The following CIB1 variants were observed in gnomAD, a reference collection of about 807,000 sequenced individuals.
CIB1 encodes the protein calcium and integrin-binding protein 1.
CIB1 carries 19 observed loss-of-function variants against 25.0 expected under a neutral mutation model. The observed-to-expected ratio is 0.76, with a 90% CI of 0.53 to 1.12. CIB1 has a LOEUF of 1.12. Ranked by LOEUF, CIB1 falls within the 50% of genes most tolerant of loss-of-function variation. The probability of loss-of-function intolerance (pLI) is 0.00; values close to 1 mark genes in which losing one functional copy is unlikely to be tolerated. For synonymous variants in CIB1, 104 were observed against 98.5 expected, an observed-to-expected ratio of 1.06 and a Z score of -0.33; for missense variants, 236 against 242.6, an observed-to-expected ratio of 0.97 and a Z score of 0.18.
chr15:90,230,417 C>A lies in CIB1; in HGVS notation c.*67G>T. 6.5e-7 allele frequency: 1 copy of A among 1,539,716 alleles called. No homozygotes were observed. Among genetic ancestry groups the A allele is most frequent in the Non-Finnish European group, 8.8e-7 (1 of 1,137,254 alleles). ...GCCCGCACTGGCAACACAGGCTTGACCTTGGCCACAGCTCAGCAGTAGAAA... is the reference window on the plus strand; with the variant it reads ...GCCCGCACTGGCAACACAGGCTTGAACTTGGCCACAGCTCAGCAGTAGAAA... On this transcript the variant is annotated 3_prime_UTR_variant, in exon 7 of 7. Transcript: ENST00000328649.
chr15:90,234,085 A>G (rs781282919), upstream of CIB1: 652 of 438,718 alleles, frequency 1.5e-3, 1 homozygote, highest in Admixed American at 2.6e-3. Context: ...AAGCGGTCCT[A>G]GGCGAGCTGG....
chr15:90,263,616 C>T, the CIB1 span: 7 of 589,976 alleles, frequency 1.2e-5, no homozygotes, highest in Admixed American at 8.9e-5. Flanking sequence ...TGTTGAACCC[C>T]AAAGGAGTAT....
rs1962467307 is a variant in CIB1 at position 90,230,988 on chromosome 15, G to T, written c.500C>A (p.Thr167Asn). Residue 167 changes from threonine (T) to asparagine (N), a missense_variant, in exon 6 of 7, where the codon ACC becomes AAC. Physicochemically the swap from Thr to Asn is moderately conservative, Grantham distance 65. Coordinates refer to ENST00000328649, the MANE Select transcript of CIB1 (RefSeq NM_006384.4). ...LEESDIDRDG[T>N]INLSEFQHVI... is the part of the protein sequence containing the mutation. Reference sequence around the variant, plus strand: ...GTGCTGGAACTCAGAGAGGTTGATGGTTCCATCCCTGTCAATGTCAGACTC... The same window carrying T: ...GTGCTGGAACTCAGAGAGGTTGATGTTTCCATCCCTGTCAATGTCAGACTC... 6.2e-7 allele frequency: 1 copy of T among 1,614,186 alleles called. No homozygotes were observed. Among genetic ancestry groups the T allele is most frequent in the African/African-American group, 1.3e-5 (1 of 75,060 alleles).
At chr15:90,241,407 G>C in the CIB1 span, 32 of 1,613,548 alleles carry the variant, frequency 2.0e-5, no homozygotes, top group African/African-American at 4.1e-4. Context: ...GTGGGGCCAC[G>C]TGCTGCTGGT....
At chr15:90,240,476 C>A in the CIB1 span, among the ~76,000 whole-genome samples, 1 of 151,530 alleles carries the variant, frequency 6.6e-6, no homozygotes, top group African/African-American at 2.4e-5. Flanking sequence ...CCACTGCCCT[C>A]TAGCCTGGGC....
upstream of CIB1, chr15:90,234,014 GC>G: frequency 9.2e-7 from 1 of 1,088,826 alleles, no homozygotes; most frequent in Non-Finnish European, 1.2e-6. Flanking sequence ...CCCCGGGCCC[GC>G]CCCCTCCTAA....
the CIB1 span, among the ~76,000 whole-genome samples, chr15:90,252,179 A>G: frequency 2.0e-5 from 3 of 151,996 alleles, no homozygotes; most frequent in Non-Finnish European, 4.4e-5. Context: ...AGCTGGGATT[A>G]CAGGCATGTG....
chr15:90,240,932 C>T, the CIB1 span: 29 of 1,613,576 alleles, frequency 1.8e-5, no homozygotes, highest in African/African-American at 1.1e-4. Context: ...ATGATTCAAA[C>T]GAAACTTCCT....
the CIB1 span, chr15:90,255,827 T>C: frequency 6.2e-7 from 1 of 1,614,166 alleles, no homozygotes; most frequent in Admixed American, 1.7e-5. Flanking sequence ...CAACCGCATG[T>C]ACAAACTCTA....
At chr15:90,241,138 G>C in the CIB1 span, 2 of 1,614,074 alleles carry the variant, frequency 1.2e-6, no homozygotes, top group South Asian at 1.1e-5. Context: ...GGGCTGTTTC[G>C]CTACCGTCTA....
rs1296054034 is a variant in CIB1 at position 90,231,017 on chromosome 15, C to T, written c.471G>A (p.Leu157=). The change falls in exon 6 of 7, where the codon CTG becomes CTA. Residue 157 remains leucine (L), a synonymous_variant. Coordinates refer to ENST00000328649, the MANE Select transcript of CIB1 (RefSeq NM_006384.4). ...CATCCCTGTCAATGTCAGACTCCTC[C>T]AGGATCTGGGAAAGGGAGAGTTTCA... The part of the protein sequence containing the change: ...SEMKQLIDNI[L]EESDIDRDGT... 6.2e-7 allele frequency: 1 copy of T among 1,613,938 alleles called. No homozygotes were observed. Among genetic ancestry groups the T allele is most frequent in the African/African-American group, 1.3e-5 (1 of 74,928 alleles).
the CIB1 span, chr15:90,257,422 C>G: frequency 6.2e-6 from 8 of 1,299,304 alleles, no homozygotes; most frequent in African/African-American, 4.5e-5. Flanking sequence ...AGCTGGGAGG[C>G]AAGTGTTTGG....
Position 90,231,476 on chromosome 15 carries a change from A to G in CIB1, c.227T>C (p.Val76Ala). ...ANPFKERICR[V>A]FSTSPAKDSL... Reference sequence around the variant, plus strand: ...GTCTTTGGCTGGGGATGTGGAGAAGACCCTGCAGATTCGCTCCTTGAAGGG... The same window carrying G: ...GTCTTTGGCTGGGGATGTGGAGAAGGCCCTGCAGATTCGCTCCTTGAAGGG... The change falls in exon 4 of 7, where the codon GTC becomes GCC. Residue 76 changes from valine (V) to alanine (A), a missense_variant. Val to Ala is a moderately conservative substitution (Grantham distance 64). Coordinates refer to ENST00000328649, the MANE Select transcript of CIB1 (RefSeq NM_006384.4). 6.2e-7 allele frequency: 1 copy of G among 1,614,072 alleles called. No individual in the cohort carries two copies. Among genetic ancestry groups the G allele is most frequent in the Non-Finnish European group, 8.5e-7 (1 of 1,179,988 alleles).
At chr15:90,232,196 T>A in intron 3 of CIB1, 23 bp downstream of exon 3, 1 of 1,584,910 alleles carries the variant, frequency 6.3e-7, no homozygotes, top group Non-Finnish European at 8.6e-7. Context: ...GGGAGAGGTG[T>A]CAAAGGAGGG....
the CIB1 span, chr15:90,259,106 T>C: frequency 7.9e-6 from 11 of 1,389,706 alleles, no homozygotes; most frequent in African/African-American, 1.3e-4. Context: ...CTCATATCTG[T>C]AATCCCAGCA....
the CIB1 span, chr15:90,257,222 G>A: frequency 6.2e-6 from 10 of 1,613,680 alleles, no homozygotes; most frequent in Non-Finnish European, 8.5e-6. Flanking sequence ...CTTCACATAT[G>A]AGGAGGGCCT....
chr15:90,251,114 C>CTTTTTTTTTTTTTTTTT, the CIB1 span, among the ~76,000 whole-genome samples: 4 of 104,672 alleles, frequency 3.8e-5, no homozygotes, highest in African/African-American at 7.5e-5. Flanking sequence ...CCTGGTCTGT[C>CTTTTTTTTTTTTTTTTT]TTTTTTTTTT....
At chr15:90,259,389 CAA>C in the CIB1 span, among the ~76,000 whole-genome samples, 9 of 130,782 alleles carry the variant, frequency 6.9e-5, no homozygotes, top group Non-Finnish European at 5.0e-5. Flanking sequence ...GACCCTGTTT[CAA>C]AAAAAAAAAA....
At chr15:90,247,318 A>G in the CIB1 span, among the ~76,000 whole-genome samples, 7 of 140,528 alleles carry the variant, frequency 5.0e-5, no homozygotes, top group African/African-American at 1.9e-4. Context: ...TTTTTTTAAG[A>G]GAGAGAGTCT....
Sources: gnomAD v4.1 joint callset for allele counts (sites outside exome capture counted in the v4.1 genomes callset) on GRCh38, gnomAD v4.1.1 for gene constraint, MANE v1.5 for transcripts, NCBI Gene and HGNC (gene_info 2026-07-23, HGNC 2026-07-21) for gene names.